The following TENM2 variants were observed in gnomAD, a reference collection of about 807,000 sequenced individuals.
The protein encoded by TENM2 is teneurin transmembrane protein 2, also known as teneurin-2.
A neutral mutation model predicts 245.2 loss-of-function variants in TENM2; 52 were observed. The ratio of observed to expected loss-of-function variants is 0.21; its 90% CI spans 0.17 to 0.27. TENM2 has a LOEUF of 0.27. Ranked by LOEUF, TENM2 falls within the 10% of genes least tolerant of loss-of-function variation. The probability of loss-of-function intolerance (pLI) is 1.00; values close to 1 mark genes in which losing one functional copy is unlikely to be tolerated. For synonymous variants in TENM2, 1,363 were observed against 1,438.9 expected (o/e 0.95, Z 1.19); for missense variants, 3,046 against 3,666.8 (o/e 0.83, Z 4.37).
the TENM2 span, among the ~76,000 whole-genome samples, chr5:167,096,772 T>A: frequency 6.6e-6 from 1 of 152,174 alleles, no homozygotes; most frequent in Admixed American, 6.5e-5. Context: ...TACTGAGTGA[T>A]GTGGAGAAAA....
At chr5:167,411,244 T>C (rs1252244924) in intron 2 of TENM2, among the ~76,000 whole-genome samples, 3 of 152,112 alleles carry the variant, frequency 2.0e-5, no homozygotes, top group African/African-American at 4.8e-5. Flanking sequence ...AAAGTATACT[T>C]GACTTTTGCA....
chr5:167,662,544 T>C (rs1755283543), intron 2 of TENM2, among the ~76,000 whole-genome samples: 1 of 152,202 alleles, frequency 6.6e-6, no homozygotes, highest in South Asian at 2.1e-4. Context: ...ATCAGACTTC[T>C]GTGTTTCATC....
chr5:167,651,886 A>G (rs901130864), intron 2 of TENM2, among the ~76,000 whole-genome samples: 1 of 152,200 alleles, frequency 6.6e-6, no homozygotes, highest in African/African-American at 2.4e-5. Context: ...AACAAGATAT[A>G]CTGAACCCAC....
At chr5:167,135,744 C>T in the TENM2 span, among the ~76,000 whole-genome samples, 1 of 151,818 alleles carries the variant, frequency 6.6e-6, no homozygotes, top group Non-Finnish European at 1.5e-5. Context: ...TGCAGTGAGC[C>T]GAGATTGCGC....
rs529539937 is a variant in TENM2 at position 167,449,995 on chromosome 5, T to C, written c.502+74522T>C. 2.6e-5 allele frequency among the ~76,000 whole-genome samples: 4 copies of C among 152,154 alleles called. No homozygotes were observed. In the South Asian group the frequency reaches 6.2e-4, roughly 24 times the overall value. Reference sequence around the variant, plus strand: ...AAAAAAGGAAATGAAGCATTCCCTTTGTTGAATATAAGGTATACAGTTGGT... The same window carrying C: ...AAAAAAGGAAATGAAGCATTCCCTTCGTTGAATATAAGGTATACAGTTGGT... On this transcript the variant is annotated intron_variant, in intron 2 of 28. Coordinates refer to ENST00000518659, the Ensembl canonical transcript of TENM2.
chr5:167,952,554 A>G (rs1442666203), intron 3 of TENM2, 34 bp from the exon 6 acceptor site: 1 of 1,540,968 alleles, frequency 6.5e-7, no homozygotes, highest in Admixed American at 1.9e-5. Context: ...TGGAATTTGC[A>G]GACGCTAACA....
chr5:167,462,291 A>G (rs1766365106), intron 2 of TENM2, among the ~76,000 whole-genome samples: 1 of 148,206 alleles, frequency 6.7e-6, no homozygotes, highest in Admixed American at 6.9e-5. Context: ...TAGGTGCAGG[A>G]GCCAGGGCAA....
rs570187430 is a variant in TENM2 at position 167,458,350 on chromosome 5, G to A, written c.502+82877G>A. Among the ~76,000 whole-genome samples the A allele has an allele frequency of 6.9e-5, 10 of 145,330 alleles. 1 individual carries two copies. The South Asian group carries it at 2.1e-3, about 31-fold the overall frequency. On this transcript the variant is annotated intron_variant, in intron 2 of 28. Coordinates refer to ENST00000518659, the Ensembl canonical transcript of TENM2. ...AAAAATACAAAAATTAGCTGGGTGT[G>A]GTGGCACGTGCCTGTGATCCCAGCT...
At chr5:167,499,832 GTA>G (rs1453624648) in intron 2 of TENM2, among the ~76,000 whole-genome samples, 1 of 143,958 alleles carries the variant, frequency 6.9e-6, no homozygotes, top group African/African-American at 2.7e-5. Context: ...GTGTGCATGT[GTA>G]TGTGAGGGTG....
At chr5:167,024,010 C>T in the TENM2 span, among the ~76,000 whole-genome samples, 1 of 151,936 alleles carries the variant, frequency 6.6e-6, no homozygotes, top group Admixed American at 6.6e-5. Flanking sequence ...CATGAGAGAT[C>T]GAGAGATTTT....
chr5:168,118,691 C>T (rs928723097), intron 10 of TENM2, among the ~76,000 whole-genome samples: 3 of 152,278 alleles, frequency 2.0e-5, no homozygotes, highest in South Asian at 4.1e-4. Context: ...CTGGAAGAAA[C>T]GTTTTGTTTT....
At chr5:167,853,945 C>T (rs942326668) in intron 2 of TENM2, among the ~76,000 whole-genome samples, 1 of 152,192 alleles carries the variant, frequency 6.6e-6, no homozygotes, top group Non-Finnish European at 1.5e-5. Flanking sequence ...CAACTGGGAA[C>T]ATTGTACTGT....
the TENM2 span, among the ~76,000 whole-genome samples, chr5:167,023,497 A>G: frequency 6.6e-6 from 1 of 152,232 alleles, no homozygotes; most frequent in Admixed American, 6.5e-5. Flanking sequence ...TATTAATACT[A>G]CAGACTCACC....
chr5:167,024,172 T>C, the TENM2 span, among the ~76,000 whole-genome samples: 1 of 152,206 alleles, frequency 6.6e-6, no homozygotes, highest in Non-Finnish European at 1.5e-5. Flanking sequence ...AAAGTGAGTG[T>C]TAATCGAGTC....
chr5:168,223,508 G>T (rs1763857945), intron 23 of TENM2, among the ~76,000 whole-genome samples: 1 of 136,790 alleles, frequency 7.3e-6, no homozygotes, highest in Non-Finnish European at 1.5e-5. Context: ...TTGCTCTGTC[G>T]CCAGGCTGAA....
intron 3 of TENM2, among the ~76,000 whole-genome samples, chr5:167,888,744 C>A (rs1774500125): frequency 6.6e-6 from 1 of 152,156 alleles, no homozygotes; most frequent in African/African-American, 2.4e-5. Flanking sequence ...GGGCCAATAC[C>A]AGCTCTCTCT....
chr5:167,694,674 T>C (rs1757647320), intron 2 of TENM2, among the ~76,000 whole-genome samples: 1 of 152,184 alleles, frequency 6.6e-6, no homozygotes, highest in African/African-American at 2.4e-5. Flanking sequence ...ATTTCTTTCC[T>C]TTCCCATCCT....
At chr5:167,374,544 G>T (rs1449317875) in intron 1 of TENM2, among the ~76,000 whole-genome samples, 1 of 152,188 alleles carries the variant, frequency 6.6e-6, no homozygotes, top group Non-Finnish European at 1.5e-5. Flanking sequence ...TTATAGATGA[G>T]AAAATTGGGG....
intron 3 of TENM2, among the ~76,000 whole-genome samples, chr5:167,899,124 C>T (rs1775479838): frequency 6.6e-6 from 1 of 151,968 alleles, no homozygotes; most frequent in Admixed American, 6.6e-5. Flanking sequence ...AATTCCATTA[C>T]TGAAAGAAGA....
Sources: gnomAD v4.1 joint callset for allele counts (sites outside exome capture counted in the v4.1 genomes callset) on GRCh38, gnomAD v4.1.1 for gene constraint, MANE v1.5 for transcripts, NCBI Gene and HGNC (gene_info 2026-07-23, HGNC 2026-07-21) for gene names.